HERC4: variants seen among roughly 807,000 people sequenced by gnomAD.
HERC4 encodes the protein probable E3 ubiquitin-protein ligase HERC4.
A neutral mutation model predicts 124.3 loss-of-function variants in HERC4; 28 were observed. That is an observed-to-expected ratio of 0.23 (90% confidence interval 0.17 to 0.31). HERC4 has a LOEUF of 0.31. Ranked by LOEUF, HERC4 falls within the 10% of genes least tolerant of loss-of-function variation. HERC4 has a pLI of 1.00. For missense variants in HERC4, 713 were observed against 1,229.3 expected, an observed-to-expected ratio of 0.58 and a Z score of 6.28; for synonymous variants, 407 against 421.5, an observed-to-expected ratio of 0.97 and a Z score of 0.42.
At chr10:68,010,732 G>C (rs558986355) in intron 9 of HERC4, 1 of 1,488,108 alleles carries the variant, frequency 6.7e-7, no homozygotes, top group Non-Finnish European at 9.2e-7. Flanking sequence ...AGAGGCAGAT[G>C]GTCGTTTGGC....
At chr10:68,023,556 A>C (rs2038751894) in intron 8 of HERC4, among the ~76,000 whole-genome samples, 1 of 152,124 alleles carries the variant, frequency 6.6e-6, no homozygotes, top group Admixed American at 6.5e-5. Context: ...GAGTATGGAG[A>C]ATAGGGAGTC....
intron 4 of HERC4, among the ~76,000 whole-genome samples, chr10:68,042,791 C>T (rs2039836577): frequency 6.6e-6 from 1 of 152,114 alleles, no homozygotes; most frequent in Non-Finnish European, 1.5e-5. Context: ...TCTTGGCACT[C>T]TTCCTTTTAT....
chr10:67,964,917 C>G (rs558700970), intron 16 of HERC4: 3 of 152,186 alleles, frequency 2.0e-5, no homozygotes, highest in African/African-American at 7.3e-5. Context: ...GGATTACAGG[C>G]GCCCACCACC....
At chr10:67,942,061 TACACTACTG>T (rs926076161) in intron 19 of HERC4, among the ~76,000 whole-genome samples, 5 of 152,152 alleles carry the variant, frequency 3.3e-5, no homozygotes, top group Non-Finnish European at 7.4e-5. Flanking sequence ...GAAACATACT[TACACTACTG>T]ACACACTGAA....
At chr10:68,005,763 G>A (rs2037508013) in intron 9 of HERC4, among the ~76,000 whole-genome samples, 1 of 151,808 alleles carries the variant, frequency 6.6e-6, no homozygotes, top group African/African-American at 2.4e-5. Flanking sequence ...AAGTGCAGTG[G>A]CACAATCATG....
rs199645377 is a variant in HERC4 at position 67,986,519 on chromosome 10, A to AT, written c.1806+2143dup. On this transcript the variant is annotated intron_variant, in intron 15 of 24. Coordinates refer to ENST00000373700, the MANE Select transcript of HERC4 (RefSeq NM_015601.4). ...AGGCATGCACCACCATACCCAGCTAATTTTTTTTTGTATTTTTAGTGGAGA... is the reference window on the plus strand; with the variant it reads ...AGGCATGCACCACCATACCCAGCTAATTTTTTTTTTGTATTTTTAGTGGAGA... Among the ~76,000 whole-genome samples, 3,201 of 150,866 alleles carry AT rather than the reference A, an allele frequency of 0.021. 307 individuals are homozygous for AT. In the East Asian group the frequency reaches 0.31, roughly 15 times the overall value.
intron 7 of HERC4, 108 bp from the exon 8 acceptor site, chr10:68,025,784 C>T (rs2038867769): frequency 9.2e-7 from 1 of 1,088,262 alleles, no homozygotes; most frequent in Non-Finnish European, 1.3e-6. Flanking sequence ...TTTTTCTCTT[C>T]TAAGAACTGT....
chr10:68,044,089 GA>G (rs879473626), intron 4 of HERC4, among the ~76,000 whole-genome samples: 8 of 151,972 alleles, frequency 5.3e-5, no homozygotes, highest in Non-Finnish European at 7.4e-5. Flanking sequence ...TCAATAGCAG[GA>G]ATACTCAAGA....
At chr10:67,926,392 C>G (rs2030948971) in intron 23 of HERC4, among the ~76,000 whole-genome samples, 1 of 147,608 alleles carries the variant, frequency 6.8e-6, no homozygotes, top group South Asian at 2.1e-4. Context: ...AGCGAAACTC[C>G]ATCTCAATAA....
chr10:68,001,479 G>A (rs1037367056), intron 9 of HERC4, among the ~76,000 whole-genome samples: 8 of 152,174 alleles, frequency 5.3e-5, no homozygotes, highest in Admixed American at 3.9e-4. Flanking sequence ...CCTCTGGATG[G>A]GCTAGAATTG....
chr10:68,038,628 A>T (rs1248218874), intron 4 of HERC4, among the ~76,000 whole-genome samples: 1 of 152,198 alleles, frequency 6.6e-6, no homozygotes, highest in Non-Finnish European at 1.5e-5. Flanking sequence ...AAGAACCAAC[A>T]GGGATTCTTG....
intron 3 of HERC4, among the ~76,000 whole-genome samples, chr10:68,058,837 CA>C (rs1269334135): frequency 0.022 from 2,955 of 134,852 alleles, 85 homozygotes; most frequent in African/African-American, 0.071. Flanking sequence ...ACTCTAATTC[CA>C]AAAAAAAAAA....
chr10:67,931,467 T>C (rs1342132886), intron 23 of HERC4, among the ~76,000 whole-genome samples: 2 of 152,116 alleles, frequency 1.3e-5, no homozygotes, highest in Non-Finnish European at 2.9e-5. Flanking sequence ...TAGGGCTTTT[T>C]TTTGGAGAGT....
At chr10:68,064,088 C>T (rs1206119047) in intron 3 of HERC4, among the ~76,000 whole-genome samples, 1 of 151,938 alleles carries the variant, frequency 6.6e-6, no homozygotes, top group Non-Finnish European at 1.5e-5. Context: ...ACTAAAAATA[C>T]AAAAATTAGC....
Position 67,964,259 on chromosome 10 carries a change from C to G in HERC4, c.1926+2424G>C, listed in dbSNP as rs549003905. On this transcript the variant is annotated intron_variant, in intron 16 of 24. Transcript: ENST00000373700. ...CATGTAACCAAATTCACTGTCAATT[C>G]TAAGGTTTCATCCTCCTCCTCTGCA... Among the ~76,000 whole-genome samples, 3 of 152,238 alleles carry G rather than the reference C, an allele frequency of 2.0e-5. No individual in the cohort carries two copies. In the South Asian group the frequency reaches 6.2e-4, roughly 32 times the overall value.
chr10:68,035,539 T>C (rs1038243921), intron 5 of HERC4, among the ~76,000 whole-genome samples: 1 of 152,190 alleles, frequency 6.6e-6, no homozygotes, highest in Non-Finnish European at 1.5e-5. Flanking sequence ...TATACATGCA[T>C]AGAGATATTG....
At chr10:67,975,000 C>T (rs557776041) in intron 15 of HERC4, among the ~76,000 whole-genome samples, 47 of 152,130 alleles carry the variant, frequency 3.1e-4, no homozygotes, top group Admixed American at 7.9e-4. Context: ...ACCAGCCTGG[C>T]CAAGATGGTG....
intron 15 of HERC4, among the ~76,000 whole-genome samples, chr10:67,974,073 T>TATACACAC (rs1382393611): frequency 2.1e-4 from 20 of 96,052 alleles, no homozygotes; most frequent in African/African-American, 7.0e-4. Flanking sequence ...AAAATTACTG[T>TATACACAC]ACACACACAC....
chr10:68,000,931 C>T (rs372818694), intron 9 of HERC4, among the ~76,000 whole-genome samples: 16 of 152,116 alleles, frequency 1.1e-4, no homozygotes, highest in East Asian at 7.7e-4. Context: ...TTCAAGCCAC[C>T]GAGTTTGTGG....
Sources: allele counts gnomAD v4.1 joint callset (sites outside exome capture counted in the v4.1 genomes callset), GRCh38; gene constraint gnomAD v4.1.1; transcripts MANE v1.5; gene names NCBI Gene and HGNC (gene_info 2026-07-23, HGNC 2026-07-21).